TENT5D: variants seen among roughly 807,000 people sequenced by gnomAD.
TENT5D encodes the protein terminal nucleotidyltransferase 5D, also known as cancer/testis antigen 112.
For synonymous variants in TENT5D, 103 were observed against 100.6 expected (o/e 1.02, Z -0.15); for missense variants, 191 against 287.0 (o/e 0.67, Z 2.42).
At chrX:80,383,099 G>A (rs1930909800) in intron 3 of TENT5D, among the ~76,000 whole-genome samples, 1 of 112,201 alleles carries the variant, frequency 8.9e-6, no homozygotes, top group Non-Finnish European at 1.9e-5. Flanking sequence ...GCTACAGACT[G>A]GAGCTGTTCC....
chrX:80,357,875 G>A (rs1453874202), intron 3 of TENT5D, among the ~76,000 whole-genome samples: 5 of 111,588 alleles, frequency 4.5e-5, no homozygotes, highest in Non-Finnish European at 7.5e-5. Flanking sequence ...TAAGCAAAAC[G>A]AACAACGCTG....
At chrX:80,433,799 T>C (rs1369089509) in intron 1 of TENT5D, among the ~76,000 whole-genome samples, 1 of 111,188 alleles carries the variant, frequency 9.0e-6, no homozygotes, top group Non-Finnish European at 1.9e-5. Flanking sequence ...AAACTGGGAA[T>C]TTGCATAAAT....
intron 2 of TENT5D, among the ~76,000 whole-genome samples, chrX:80,339,875 A>G (rs942258723): frequency 2.0e-5 from 2 of 99,158 alleles, no homozygotes; most frequent in African/African-American, 7.8e-5. Flanking sequence ...ATATATATAG[A>G]GAGAGAGAGA....
intron 3 of TENT5D, among the ~76,000 whole-genome samples, chrX:80,347,372 T>TA (rs1375573057): frequency 8.9e-6 from 1 of 112,396 alleles, no homozygotes; most frequent in Admixed American, 9.4e-5. Context: ...ATGGCCATTC[T>TA]AACTGGTGTG....
At chrX:80,389,022 C>T (rs1434927231) in intron 3 of TENT5D, among the ~76,000 whole-genome samples, 1 of 111,520 alleles carries the variant, frequency 9.0e-6, no homozygotes, top group Non-Finnish European at 1.9e-5. Context: ...GAGAGGGCAG[C>T]ACTGAGTTCC....
At chrX:80,418,432 A>G (rs997040203), upstream of TENT5D, among the ~76,000 whole-genome samples, 2 of 111,770 alleles carry the variant, frequency 1.8e-5, no homozygotes, top group African/African-American at 6.5e-5. Context: ...TTGATTTAAA[A>G]AGTATATGTA....
At chrX:80,409,784 G>A (rs1379983815) in intron 3 of TENT5D, among the ~76,000 whole-genome samples, 3 of 103,715 alleles carry the variant, frequency 2.9e-5, no homozygotes, top group Admixed American at 1.0e-4. Context: ...AGCCCGCATC[G>A]CCAAGTCAAT....
At chrX:80,407,849 A>G (rs1329275445) in intron 3 of TENT5D, among the ~76,000 whole-genome samples, 1 of 107,416 alleles carries the variant, frequency 9.3e-6, no homozygotes, top group South Asian at 4.2e-4. Flanking sequence ...ACATAGTTGG[A>G]AGTAAAGCTC....
At chrX:80,359,955 T>A (rs1362955092) in intron 3 of TENT5D, among the ~76,000 whole-genome samples, 1 of 111,476 alleles carries the variant, frequency 9.0e-6, no homozygotes, top group African/African-American at 3.3e-5. Context: ...CCACTACAAA[T>A]CAAATAAGCA....
chrX:80,416,261 A>AT (rs57550532), upstream of TENT5D, among the ~76,000 whole-genome samples: 15,057 of 61,395 alleles, frequency 0.25, 2,038 homozygotes, highest in East Asian at 0.55. Context: ...GATATTTTGA[A>AT]TTTTTTTTTT....
chrX:80,419,871 G>T (rs1931850598), upstream of TENT5D, among the ~76,000 whole-genome samples: 1 of 110,594 alleles, frequency 9.0e-6, no homozygotes, highest in Non-Finnish European at 1.9e-5. Context: ...TCCCCACACC[G>T]AGCTAATTTC....
chrX:80,433,998 G>A (rs375248477), intron 1 of TENT5D, among the ~76,000 whole-genome samples: 1 of 109,368 alleles, frequency 9.1e-6, no homozygotes, highest in African/African-American at 3.3e-5. Flanking sequence ...TTAGCCAGGC[G>A]TGGTGGCAGG....
chrX:80,338,694 G>A (rs753644198), intron 2 of TENT5D, among the ~76,000 whole-genome samples: 1 of 112,126 alleles, frequency 8.9e-6, no homozygotes, highest in South Asian at 3.7e-4. Flanking sequence ...ATTTTAAGAT[G>A]ATCAGAAAAT....
In TENT5D at chrX:80,362,200, G is replaced by A. The variant is rs902711300; in HGVS notation, c.-142+19636G>A. Among the ~76,000 whole-genome samples, 3 of 109,151 alleles carry A rather than the reference G, an allele frequency of 2.7e-5. No individual in the cohort carries two copies. In the Admixed American group the frequency reaches 2.9e-4, roughly 11 times the overall value. 94.8% of individuals were successfully genotyped at this position (109,151 alleles called of 115,157 possible). Reference sequence around the variant, plus strand: ...TTTTCTTGAGACGGAGTCTTGCTCTGTTGCCCAGGATGGAGTGCAGTGGTG... The same window carrying A: ...TTTTCTTGAGACGGAGTCTTGCTCTATTGCCCAGGATGGAGTGCAGTGGTG... On this transcript the variant is annotated intron_variant, in intron 3 of 4. Coordinates refer to the TENT5D transcript ENST00000538312.
chrX:80,344,618 A>T (rs764684096), intron 3 of TENT5D, among the ~76,000 whole-genome samples: 1 of 110,228 alleles, frequency 9.1e-6, no homozygotes, highest in South Asian at 3.9e-4. Flanking sequence ...TCCTGATAAT[A>T]CTTTAGTTCA....
chrX:80,401,374 C>T (rs930067693), intron 3 of TENT5D, among the ~76,000 whole-genome samples: 1 of 111,460 alleles, frequency 9.0e-6, no homozygotes, highest in Non-Finnish European at 1.9e-5. Flanking sequence ...AAAATTTCAC[C>T]TCTTTTCCTG....
At chrX:80,445,036 C>T (rs1300687146) in exon 3 of TENT5D, 1 of 122,146 alleles carries the variant, frequency 8.2e-6, no homozygotes, top group Non-Finnish European at 1.9e-5. Context: ...ATCACGTTTT[C>T]TATCACAACA....
At chrX:80,407,914 G>A (rs1415578012) in intron 3 of TENT5D, among the ~76,000 whole-genome samples, 2 of 110,900 alleles carry the variant, frequency 1.8e-5, no homozygotes, top group Non-Finnish European at 1.9e-5. Context: ...TCAGACCACA[G>A]TACAATCAAA....
At chrX:80,344,301 T>C (rs1235519267) in intron 3 of TENT5D, among the ~76,000 whole-genome samples, 1 of 110,757 alleles carries the variant, frequency 9.0e-6, no homozygotes, top group East Asian at 2.8e-4. Context: ...TTATATTTCT[T>C]TGGGTGTATA....
Sources: allele counts gnomAD v4.1 joint callset (sites outside exome capture counted in the v4.1 genomes callset), GRCh38; gene constraint gnomAD v4.1.1; transcripts MANE v1.5; gene names NCBI Gene and HGNC (gene_info 2026-07-23, HGNC 2026-07-21).